The following MYO10 variants were observed in gnomAD, a reference collection of about 807,000 sequenced individuals.
The protein encoded by MYO10 is myosin X, also known as unconventional myosin-X.
MYO10 carries 133 observed loss-of-function variants against 257.3 expected under a neutral mutation model. The ratio of observed to expected loss-of-function variants is 0.52; its 90% CI spans 0.45 to 0.60. The LOEUF is 0.60. Ranked by LOEUF, MYO10 falls within the 20% of genes least tolerant of loss-of-function variation. MYO10 has a pLI of 0.00. For missense variants in MYO10, 2,399 were observed against 2,635.7 expected (o/e 0.91, Z 1.97); for synonymous variants, 1,104 against 1,028.6 (o/e 1.07, Z -1.40).
intron 2 of MYO10, among the ~76,000 whole-genome samples, chr5:16,849,029 C>T (rs1743724086): frequency 6.6e-6 from 1 of 152,154 alleles, no homozygotes; most frequent in Non-Finnish European, 1.5e-5. Flanking sequence ...AATCATAGCT[C>T]ACTGTAGCCT....
At chr5:16,906,345 G>A (rs1307183378) in intron 1 of MYO10, among the ~76,000 whole-genome samples, 1 of 152,128 alleles carries the variant, frequency 6.6e-6, no homozygotes, top group Middle Eastern at 3.2e-3. Flanking sequence ...CTGACACTTG[G>A]GGCTGCATAA....
In MYO10 at chr5:16,665,431, T is replaced by C. The variant is rs896416141; in HGVS notation, c.*1261A>G. Reference sequence around the variant, plus strand: ...TTAGTTGGCCCAAGTCCTTAAAACTTTTCCATATAAAAATAAAAAGTCCAA... The same window carrying C: ...TTAGTTGGCCCAAGTCCTTAAAACTCTTCCATATAAAAATAAAAAGTCCAA... On this transcript the variant is annotated 3_prime_UTR_variant, in exon 41 of 41. Transcript: ENST00000513610. 1.3e-5 allele frequency: 2 copies of C among 152,200 alleles called. No homozygotes were observed. Among genetic ancestry groups the C allele is most frequent in the Admixed American group, 1.3e-4 (2 of 15,274 alleles). The allele number at this position is 152,200 out of a possible 1,614,324, so 9.4% of individuals were successfully genotyped here.
At chr5:16,817,286 C>T (rs530761905) in intron 3 of MYO10, among the ~76,000 whole-genome samples, 1 of 152,184 alleles carries the variant, frequency 6.6e-6, no homozygotes, top group African/African-American at 2.4e-5. Flanking sequence ...TAACCAGTTG[C>T]CTTTAGTTTC....
intron 2 of MYO10, chr5:16,853,995 T>G (rs183421555): frequency 6.6e-6 from 1 of 151,790 alleles, no homozygotes; most frequent in Non-Finnish European, 1.5e-5. Flanking sequence ...TGCCTAAGAG[T>G]CTACGGCCTT....
rs145952367 is a variant in MYO10, at chr5:16,702,197, G to A, written c.2556+346C>T. The stretch of plus-strand genomic sequence containing the variant: ...GGGCCTCAGAAGACATCAAACTTAA[G>A]GATAACTTGATCTTGCAGTTCCGGC... On this transcript the variant is annotated intron_variant, in intron 24 of 40. Coordinates refer to ENST00000513610, the MANE Select transcript of MYO10 (RefSeq NM_012334.3). Among the ~76,000 whole-genome samples the A allele has an allele frequency of 2.5e-3, 388 of 152,280 alleles. 1 individual carries two copies. The highest frequency in any genetic ancestry group is 8.9e-3 in the African/African-American group (368 of 41,570).
rs1738061985 is a variant in MYO10, at chr5:16,701,413, A to G, written c.2982T>C (p.Asp994=). The G allele has an allele frequency of 5.6e-6, 9 of 1,613,950 alleles. No homozygotes were observed. The highest frequency in any genetic ancestry group is 6.8e-6 in the Non-Finnish European group (8 of 1,179,882). Residue 994 remains aspartate (D), a synonymous_variant, in exon 25 of 41, where the codon GAT becomes GAC. Coordinates refer to ENST00000513610, the MANE Select transcript of MYO10 (RefSeq NM_012334.3). The surrounding 1 kb of genome is among the most constrained non-coding windows in gnomAD (Gnocchi z 8.1). ...CGTCGTCGTCGGCTTCGAAGCCCTCATCGACCTCCTCCTCTGGGTAGGGCT... is the reference window on the plus strand; with the variant it reads ...CGTCGTCGTCGGCTTCGAAGCCCTCGTCGACCTCCTCCTCTGGGTAGGGCT... The part of the protein sequence containing the change: ...FSQPYPEEEV[D]EGFEADDDAF...
intron 19 of MYO10, chr5:16,741,867 G>C (rs761634238): frequency 1.0e-6 from 1 of 985,370 alleles, no homozygotes. Context: ...TTAGCAGTCC[G>C]GGCAAGGGCA....
Position 16,768,506 on chromosome 5 carries a change from G to A in MYO10, c.1060+568C>T, listed in dbSNP as rs1336453639. On this transcript the variant is annotated intron_variant, in intron 10 of 40. Transcript: ENST00000513610. ...TGGTTGCTCATATTTCCACGTACTT[G>A]ACTCATTTTCCTTCTTTTTAAAAAG... Among the ~76,000 whole-genome samples the A allele has an allele frequency of 3.3e-5, 5 of 151,896 alleles. No homozygotes were observed. In the East Asian group the frequency reaches 9.7e-4, roughly 29 times the overall value.
Position 16,779,667 on chromosome 5 carries a change from A to G in MYO10, c.827-19T>C, listed in dbSNP as rs748939193. 5.6e-6 allele frequency: 8 copies of G among 1,417,888 alleles called. No individual in the cohort carries two copies. The South Asian group carries it at 9.8e-5, about 17-fold the overall frequency. 87.8% of individuals were successfully genotyped at this position (1,417,888 alleles called of 1,614,324 possible). A position where few individuals can be genotyped will look rare whatever the true frequency, so the allele number is the denominator to read the frequency against. On this transcript the variant is annotated intron_variant, in intron 8 of 40. Transcript: ENST00000513610. ...AATTCTTCTACAGAAAGACAAAAAC[A>G]TGATGTCACAGTTCTCCAGGACAAG... is the stretch of plus-strand genomic sequence containing the variant.
intron 19 of MYO10, among the ~76,000 whole-genome samples, chr5:16,748,350 C>G (rs1279768319): frequency 6.6e-6 from 1 of 152,038 alleles, no homozygotes; most frequent in Non-Finnish European, 1.5e-5. Context: ...GTTCAAACAA[C>G]TCTCGTGCCT....
At chr5:16,903,763 A>G (rs993518171) in intron 1 of MYO10, among the ~76,000 whole-genome samples, 2 of 152,214 alleles carry the variant, frequency 1.3e-5, no homozygotes, top group African/African-American at 4.8e-5. Context: ...CTTGTAAATA[A>G]CAGAAAGTGG....
intron 2 of MYO10, among the ~76,000 whole-genome samples, chr5:16,833,217 GTTTT>G (rs60623939): frequency 0.04 from 5,720 of 143,712 alleles, 148 homozygotes; most frequent in Admixed American, 0.083. Flanking sequence ...TACTAGGTTT[GTTTT>G]TTTTTTTTTT....
chr5:16,848,579 C>T (rs1348559477), intron 2 of MYO10, among the ~76,000 whole-genome samples: 1 of 152,072 alleles, frequency 6.6e-6, no homozygotes, highest in Non-Finnish European at 1.5e-5. Flanking sequence ...CCCACTTCTC[C>T]CAACATCACG....
intron 19 of MYO10, among the ~76,000 whole-genome samples, chr5:16,753,723 G>A (rs60272436): frequency 0.025 from 3,749 of 151,418 alleles, 177 homozygotes; most frequent in African/African-American, 0.085. Flanking sequence ...CGCCCACCTC[G>A]ACCTCCCAAA....
At chr5:16,720,704 C>CGGGT (rs1739121984) in intron 19 of MYO10, among the ~76,000 whole-genome samples, 1 of 152,156 alleles carries the variant, frequency 6.6e-6, no homozygotes, top group African/African-American at 2.4e-5. Context: ...GTGATCCACC[C>CGGGT]GCCTTGGCCT....
chr5:16,690,770 G>A (rs1006353530), intron 27 of MYO10, among the ~76,000 whole-genome samples: 2 of 151,950 alleles, frequency 1.3e-5, no homozygotes, highest in South Asian at 2.1e-4. Flanking sequence ...GGAGTGAGGC[G>A]CAGGATTTGG....
intron 19 of MYO10, among the ~76,000 whole-genome samples, chr5:16,724,710 T>TC (rs890286608): frequency 7.2e-5 from 11 of 151,922 alleles, no homozygotes; most frequent in Non-Finnish European, 1.6e-4. Flanking sequence ...CATCTCTTTT[T>TC]CCCCACTAAC....
rs1740850015 is a variant in MYO10, at chr5:16,765,987, CTGT to C, written c.1179+90_1179+92del. On this transcript the variant is annotated intron_variant, in intron 11 of 40. Coordinates refer to ENST00000513610, the MANE Select transcript of MYO10 (RefSeq NM_012334.3). ...AGTTATTAATATATTACAGTTACAA[CTGT>C]TATTATAATTACATATTTCAATCAA... 4.7e-6 allele frequency: 4 copies of C among 849,896 alleles called. No individual in the cohort carries two copies. In the South Asian group the frequency reaches 6.1e-5, roughly 13 times the overall value. The allele number at this position is 849,896 out of a possible 1,614,324, so 52.6% of individuals were successfully genotyped here. A position where few individuals can be genotyped will look rare whatever the true frequency, so the allele number is the denominator to read the frequency against.
In MYO10 at chr5:16,664,950, G is replaced by GTAGCTCACACCTGTAA. The variant is rs1338749349; in HGVS notation, c.*1726_*1741dup. On this transcript the variant is annotated 3_prime_UTR_variant, in exon 41 of 41. Transcript: ENST00000513610. ...AACACCAAAAAGCCGGCCGGGTGCG[G>GTAGCTCACACCTGTAA]TAGCTCACACCTGTAATCCCAGCAC... The GTAGCTCACACCTGTAA allele has an allele frequency of 1.3e-5, 2 of 152,364 alleles. No homozygotes were observed. Among genetic ancestry groups the GTAGCTCACACCTGTAA allele is most frequent in the Non-Finnish European group, 2.9e-5 (2 of 68,224 alleles). The allele number at this position is 152,364 out of a possible 1,614,324, so 9.4% of individuals were successfully genotyped here.
Sources: gnomAD v4.1 joint callset for allele counts (sites outside exome capture counted in the v4.1 genomes callset) on GRCh38, gnomAD v4.1.1 for gene constraint, Gnocchi (gnomAD v3.1) non-coding constraint, MANE v1.5 for transcripts, NCBI Gene and HGNC (gene_info 2026-07-23, HGNC 2026-07-21) for gene names.